The following PHLDB2 variants were observed in gnomAD, a reference collection of about 807,000 sequenced individuals.
The protein encoded by PHLDB2 is pleckstrin homology like domain family B member 2, also known as pleckstrin homology-like domain family B member 2.
PHLDB2 carries 71 observed loss-of-function variants against 123.6 expected under a neutral mutation model. The observed-to-expected ratio is 0.57, with a 90% CI of 0.47 to 0.70. The LOEUF (loss-of-function observed/expected upper bound fraction) is 0.70, where lower values mean the gene tolerates loss of function less well. Ranked by LOEUF, PHLDB2 falls within the 30% of genes least tolerant of loss-of-function variation. PHLDB2 has a pLI of 0.00. For synonymous variants in PHLDB2, 547 were observed against 541.6 expected (o/e 1.01, Z -0.14); for missense variants, 1,446 against 1,519.5 (o/e 0.95, Z 0.80).
chr3:111,885,205 T>A lies in PHLDB2; in HGVS notation c.1128T>A (p.Val376=). The A allele has an allele frequency of 6.2e-7, 1 of 1,614,044 alleles. No homozygotes were observed. The highest frequency in any genetic ancestry group is 1.1e-5 in the South Asian group (1 of 91,080). ...HSLLAGESDR[V]FATRRNFSCG... ...TTCTTGCTGGAGAGTCAGACAGAGT[T>A]TTTGCGACCAGGAGGAACTTCTCTT... Residue 376 remains valine, a synonymous_variant, in exon 2 of 18, where the codon GTT becomes GTA. Transcript: ENST00000431670.
At chr3:111,911,248 T>A (rs2067863706) in intron 2 of PHLDB2, among the ~76,000 whole-genome samples, 2 of 152,184 alleles carry the variant, frequency 1.3e-5, no homozygotes, top group South Asian at 4.1e-4. Flanking sequence ...TAATCCCAAA[T>A]ATTTATGCCA....
chr3:111,845,987 C>T (rs1309603707), intron 2 of PHLDB2: 1 of 1,552,738 alleles, frequency 6.4e-7, no homozygotes, highest in East Asian at 2.3e-5. Flanking sequence ...AGTTCTTACT[C>T]CATCATACAT....
intron 1 of PHLDB2, among the ~76,000 whole-genome samples, chr3:111,788,851 A>T (rs1045577077): frequency 8.5e-5 from 13 of 152,304 alleles, no homozygotes; most frequent in Admixed American, 5.2e-4. Flanking sequence ...AAGACAAAAG[A>T]TTACACACCC....
chr3:111,780,023 A>G (rs1370212854), intron 1 of PHLDB2, among the ~76,000 whole-genome samples: 1 of 151,852 alleles, frequency 6.6e-6, no homozygotes, highest in Non-Finnish European at 1.5e-5. Flanking sequence ...TTCATTTACA[A>G]GTCAATTATT....
intron 1 of PHLDB2, among the ~76,000 whole-genome samples, chr3:111,881,886 G>T (rs2065946370): frequency 6.6e-6 from 1 of 151,480 alleles, no homozygotes; most frequent in Non-Finnish European, 1.5e-5. Flanking sequence ...ATGGGTAAGG[G>T]TACCCATGTA....
At chr3:111,958,353 C>T in intron 12 of PHLDB2, 6 of 942,674 alleles carry the variant, frequency 6.4e-6, no homozygotes, top group Non-Finnish European at 7.6e-6. Flanking sequence ...CTCTTAACCC[C>T]AGGTTATACT....
At chr3:111,801,453 T>A (rs1261863182) in intron 1 of PHLDB2, among the ~76,000 whole-genome samples, 6 of 152,186 alleles carry the variant, frequency 3.9e-5, no homozygotes, top group Admixed American at 3.3e-4. Flanking sequence ...TTAACTGAGG[T>A]GATATGAAGA....
chr3:111,961,868 A>G, intron 12 of PHLDB2: 1 of 493,710 alleles, frequency 2.0e-6, no homozygotes, highest in Admixed American at 4.4e-5. Flanking sequence ...TAGGAATGCC[A>G]TAGGAAAGTG....
At chr3:111,799,389 A>G (rs2061296290) in intron 1 of PHLDB2, among the ~76,000 whole-genome samples, 1 of 152,254 alleles carries the variant, frequency 6.6e-6, no homozygotes, top group South Asian at 2.1e-4. Flanking sequence ...TGAATTTAAT[A>G]CTAGAAAAAA....
chr3:111,921,930 GGT>G (rs2068534105), intron 5 of PHLDB2, among the ~76,000 whole-genome samples: 1 of 152,156 alleles, frequency 6.6e-6, no homozygotes, highest in African/African-American at 2.4e-5. Flanking sequence ...TTGGGTAGTG[GGT>G]GTATTTTTCC....
intron 1 of PHLDB2, among the ~76,000 whole-genome samples, chr3:111,818,573 A>G (rs528358205): frequency 2.0e-5 from 3 of 152,126 alleles, no homozygotes; most frequent in Non-Finnish European, 4.4e-5. Flanking sequence ...CCATATTTCC[A>G]CAATGCCATA....
At chr3:111,820,682 T>G (rs2062328858) in intron 1 of PHLDB2, among the ~76,000 whole-genome samples, 1 of 152,182 alleles carries the variant, frequency 6.6e-6, no homozygotes, top group African/African-American at 2.4e-5. Flanking sequence ...AACAAGGAAG[T>G]TGGGCATGGA....
chr3:111,934,208 T>C (rs1444198081), intron 6 of PHLDB2, among the ~76,000 whole-genome samples: 8 of 152,220 alleles, frequency 5.3e-5, no homozygotes, highest in African/African-American at 1.9e-4. Context: ...GTTCACCTTA[T>C]ATTAAGAGGT....
At chr3:111,836,892 A>G (rs2108525182) in intron 1 of PHLDB2, among the ~76,000 whole-genome samples, 1 of 152,280 alleles carries the variant, frequency 6.6e-6, no homozygotes, top group Admixed American at 6.5e-5. Context: ...TGGGGATGAC[A>G]ATTCGAGATG....
At chr3:111,797,348 G>GAC (rs138506437) in intron 1 of PHLDB2, among the ~76,000 whole-genome samples, 7,149 of 151,924 alleles carry the variant, frequency 0.047, 587 homozygotes, top group African/African-American at 0.16. Context: ...TATTTAGGCA[G>GAC]ACACACACAC....
chr3:111,855,474 C>G (rs1393659633), upstream of PHLDB2, among the ~76,000 whole-genome samples: 3 of 138,226 alleles, frequency 2.2e-5, no homozygotes, highest in Admixed American at 7.5e-5. Flanking sequence ...TTCCTTCCTT[C>G]CTTCCTCCCT....
At chr3:111,780,980 A>G (rs541044398) in intron 1 of PHLDB2, among the ~76,000 whole-genome samples, 1 of 152,194 alleles carries the variant, frequency 6.6e-6, no homozygotes, top group South Asian at 2.1e-4. Flanking sequence ...TAGATGATTA[A>G]TAAATATTTA....
intron 1 of PHLDB2, among the ~76,000 whole-genome samples, chr3:111,740,613 A>C (rs2059586565): frequency 6.6e-6 from 1 of 152,208 alleles, no homozygotes; most frequent in African/African-American, 2.4e-5. Context: ...GATAGATAAC[A>C]CGTAACACAA....
At chr3:111,816,294 T>C (rs931076791) in intron 1 of PHLDB2, among the ~76,000 whole-genome samples, 4 of 152,118 alleles carry the variant, frequency 2.6e-5, no homozygotes, top group Non-Finnish European at 4.4e-5. Context: ...GTAGATCCAC[T>C]GACAGCTTGA....
Sources: gnomAD v4.1 joint callset for allele counts (sites outside exome capture counted in the v4.1 genomes callset) on GRCh38, gnomAD v4.1.1 for gene constraint, MANE v1.5 for transcripts, NCBI Gene and HGNC (gene_info 2026-07-23, HGNC 2026-07-21) for gene names.